Variants in CFAP54 observed in about 807,000 individuals in gnomAD.
CFAP54 encodes cilia- and flagella-associated protein 54.
Under a neutral mutation model 370.4 loss-of-function variants are expected in CFAP54, and 290 were observed. The observed-to-expected ratio is 0.78, with a 90% CI of 0.71 to 0.86. CFAP54 has a LOEUF of 0.86. Ranked by LOEUF, CFAP54 falls within the 40% of genes least tolerant of loss-of-function variation. The probability of loss-of-function intolerance (pLI) is 0.00; values close to 1 mark genes in which losing one functional copy is unlikely to be tolerated. For missense variants in CFAP54, 3,399 were observed against 3,528.7 expected, an observed-to-expected ratio of 0.96 and a Z score of 0.93; for synonymous variants, 1,206 against 1,236.5, an observed-to-expected ratio of 0.98 and a Z score of 0.52.
intron 22 of CFAP54, among the ~76,000 whole-genome samples, chr12:96,588,867 T>G (rs1352454509): frequency 1.3e-5 from 2 of 152,264 alleles, no homozygotes; most frequent in African/African-American, 4.8e-5. Flanking sequence ...TTATTTTGCC[T>G]AATGTTAAAT....
At chr12:96,704,870 G>T in intron 47 of CFAP54, 74 bp downstream of exon 47, 1 of 488,960 alleles carries the variant, frequency 2.0e-6, no homozygotes, top group South Asian at 2.4e-5. Flanking sequence ...AATCTATTTG[G>T]TTGATACAGT....
chr12:96,705,477 T>C (rs1460262837), intron 47 of CFAP54, among the ~76,000 whole-genome samples: 5 of 152,146 alleles, frequency 3.3e-5, no homozygotes, highest in Non-Finnish European at 1.5e-5. Context: ...TGAAATGAAA[T>C]AACTGGTATT....
rs747867302 is a variant in CFAP54, at chr12:96,554,412, C to T, written c.2283+102C>T. 6 of 1,322,134 alleles carry T rather than the reference C, an allele frequency of 4.5e-6. No individual in the cohort carries two copies. The South Asian group carries it at 7.1e-5, about 16-fold the overall frequency. 81.9% of individuals were successfully genotyped at this position (1,322,134 alleles called of 1,614,324 possible). ...TAAAGCATGACTTGTGTTGGCTTACCTCTCATAGGCCAGAAATATATTTCC... is the reference window on the plus strand; with the variant it reads ...TAAAGCATGACTTGTGTTGGCTTACTTCTCATAGGCCAGAAATATATTTCC... On this transcript the variant is annotated intron_variant, in intron 16 of 67. Transcript: ENST00000524981.
chr12:96,726,416 G>A (rs1343453945), intron 50 of CFAP54, among the ~76,000 whole-genome samples: 1 of 152,216 alleles, frequency 6.6e-6, no homozygotes, highest in East Asian at 1.9e-4. Flanking sequence ...GAGAGTATGT[G>A]TGGAGGAATT....
intron 34 of CFAP54, among the ~76,000 whole-genome samples, chr12:96,648,994 T>A (rs1956829613): frequency 6.6e-6 from 1 of 152,214 alleles, no homozygotes; most frequent in Admixed American, 6.5e-5. Context: ...GGACACTTTC[T>A]AACCAATGAT....
intron 20 of CFAP54, among the ~76,000 whole-genome samples, chr12:96,577,066 C>A (rs1415453779): frequency 6.6e-6 from 1 of 152,134 alleles, no homozygotes; most frequent in East Asian, 1.9e-4. Context: ...ATGCTGACAT[C>A]CTCGTGTGCT....
chr12:96,767,571 T>G (rs934159275), intron 60 of CFAP54, among the ~76,000 whole-genome samples: 3 of 152,228 alleles, frequency 2.0e-5, no homozygotes, highest in Admixed American at 2.0e-4. Flanking sequence ...GCCTTAAGAA[T>G]AATAATTTTG....
At chr12:96,827,024 A>G (rs1278209327) in intron 65 of CFAP54, among the ~76,000 whole-genome samples, 43 of 131,382 alleles carry the variant, frequency 3.3e-4, no homozygotes, top group African/African-American at 1.3e-3. Flanking sequence ...ATGCAATTAT[A>G]TGTGATTATA....
At chr12:96,861,837 G>A (rs544814105) in intron 67 of CFAP54, among the ~76,000 whole-genome samples, 4 of 152,242 alleles carry the variant, frequency 2.6e-5, no homozygotes, top group South Asian at 2.1e-4. Flanking sequence ...GAAAAGGACC[G>A]TGCATTTCTG....
At chr12:96,762,223 A>C (rs991552228) in intron 58 of CFAP54, among the ~76,000 whole-genome samples, 2 of 152,194 alleles carry the variant, frequency 1.3e-5, no homozygotes, top group Non-Finnish European at 2.9e-5. Flanking sequence ...CTAGTATATA[A>C]AAATACAGTT....
intron 43 of CFAP54, among the ~76,000 whole-genome samples, chr12:96,689,221 T>G (rs1220344705): frequency 1.3e-5 from 2 of 151,994 alleles, no homozygotes; most frequent in Non-Finnish European, 2.9e-5. Flanking sequence ...AGTGCAGTGG[T>G]GTGATCTCAG....
At chr12:96,605,218 C>T in intron 26 of CFAP54, among the ~76,000 whole-genome samples, 1 of 152,182 alleles carries the variant, frequency 6.6e-6, no homozygotes, top group Non-Finnish European at 1.5e-5. Flanking sequence ...GTTAAACCTG[C>T]ATATCATCTT....
chr12:96,533,444 T>C lies in CFAP54; in HGVS notation c.1358-348T>C, dbSNP rs552702083. On this transcript the variant is annotated intron_variant, in intron 9 of 67. Coordinates refer to ENST00000524981, the MANE Select transcript of CFAP54 (RefSeq NM_001306084.2). ...GAATCTACTATTTACTGTGGATGTA[T>C]AATGATGACTCTAAAAGCTCTATCC... 2.6e-5 allele frequency among the ~76,000 whole-genome samples: 4 copies of C among 152,358 alleles called. No homozygotes were observed. In the East Asian group the frequency reaches 7.7e-4, roughly 29 times the overall value.
chr12:96,826,627 T>C (rs1394332031), intron 65 of CFAP54, among the ~76,000 whole-genome samples: 1 of 108,730 alleles, frequency 9.2e-6, no homozygotes, highest in East Asian at 3.0e-4. Context: ...TGATATATGT[T>C]ATATATTAAA....
intron 60 of CFAP54, among the ~76,000 whole-genome samples, chr12:96,766,270 G>A (rs1284675244): frequency 6.6e-6 from 1 of 152,010 alleles, no homozygotes; most frequent in African/African-American, 2.4e-5. Context: ...TTACGCTGAG[G>A]TTTTGTTTTC....
At chr12:96,701,946 G>T (rs2136580084) in intron 46 of CFAP54, among the ~76,000 whole-genome samples, 1 of 152,306 alleles carries the variant, frequency 6.6e-6, no homozygotes, top group Admixed American at 6.5e-5. Flanking sequence ...GGAAGAGGCT[G>T]TGGGTGGGCA....
chr12:96,494,981 T>C lies in CFAP54; in HGVS notation c.317+5055T>C, dbSNP rs1193880592. Among the ~76,000 whole-genome samples, 6 of 152,170 alleles carry C rather than the reference T, an allele frequency of 3.9e-5. No individual in the cohort carries two copies. In the East Asian group the frequency reaches 1.2e-3, roughly 29 times the overall value. On this transcript the variant is annotated intron_variant, in intron 1 of 67. Coordinates refer to ENST00000524981, the MANE Select transcript of CFAP54 (RefSeq NM_001306084.2). ...ACCTCGTGATCCGACCGCTTTGGCCTCCCAAAGTATTGGGATTACAGGCGT... is the reference window on the plus strand; with the variant it reads ...ACCTCGTGATCCGACCGCTTTGGCCCCCCAAAGTATTGGGATTACAGGCGT...
chr12:96,682,488 A>G (rs1957283800), intron 40 of CFAP54, among the ~76,000 whole-genome samples: 1 of 151,430 alleles, frequency 6.6e-6, no homozygotes. Flanking sequence ...CCATCCTCCC[A>G]CTTCAGTCTC....
chr12:96,732,899 G>T lies in CFAP54; in HGVS notation c.6966-7057G>T, dbSNP rs1187832972. ...AACTATGTGTCAGAGAGCAACAGCA[G>T]CCCTAGAAAATATTTATCAATACCT... On this transcript the variant is annotated intron_variant, in intron 50 of 67. Coordinates refer to ENST00000524981, the MANE Select transcript of CFAP54 (RefSeq NM_001306084.2). Among the ~76,000 whole-genome samples the T allele has an allele frequency of 3.9e-5, 6 of 151,908 alleles. No homozygotes were observed. In the East Asian group the frequency reaches 9.7e-4, roughly 24 times the overall value.
Sources: gnomAD v4.1 joint callset for allele counts (sites outside exome capture counted in the v4.1 genomes callset) on GRCh38, gnomAD v4.1.1 for gene constraint, MANE v1.5 for transcripts, NCBI Gene and HGNC (gene_info 2026-07-23, HGNC 2026-07-21) for gene names.